The following WLS variants were observed in gnomAD, a reference collection of about 807,000 sequenced individuals.
WLS encodes Wnt ligand secretion mediator.
Under a neutral mutation model 62.8 loss-of-function variants are expected in WLS, and 23 were observed. That is an observed-to-expected ratio of 0.37 (90% CI 0.26 to 0.52). The LOEUF (loss-of-function observed/expected upper bound fraction) is 0.52, where lower values mean the gene tolerates loss of function less well. Ranked by LOEUF, WLS falls within the 20% of genes least tolerant of loss-of-function variation. WLS has a pLI of 0.92. For missense variants in WLS, 615 were observed against 697.3 expected, an observed-to-expected ratio of 0.88 and a Z score of 1.33; for synonymous variants, 246 against 244.1, an observed-to-expected ratio of 1.01 and a Z score of -0.07.
chr1:68,136,212 C>A (rs561669585), intron 11 of WLS, among the ~76,000 whole-genome samples: 4 of 152,134 alleles, frequency 2.6e-5, no homozygotes, highest in Non-Finnish European at 5.9e-5. Flanking sequence ...AGTAACTACC[C>A]CCCTCCCTTC....
chr1:68,192,940 C>CAAA lies in WLS; in HGVS notation c.379+1012_379+1014dup, dbSNP rs112624515. Reference sequence around the variant, plus strand: ...TAAAACCCCATCTCCACTAAAAATACAAAAAAAAAAAAAAAAAATTTTGCT... The same window carrying CAAA: ...TAAAACCCCATCTCCACTAAAAATACAAAAAAAAAAAAAAAAAAAAATTTTGCT... On this transcript the variant is annotated intron_variant, in intron 2 of 11. Coordinates refer to ENST00000262348, the MANE Select transcript of WLS (RefSeq NM_024911.7). Among the ~76,000 whole-genome samples the CAAA allele has an allele frequency of 1.4e-3, 172 of 126,730 alleles. 2 individuals carry two copies. Among genetic ancestry groups the CAAA allele is most frequent in the South Asian group, 3.2e-3 (12 of 3,766 alleles). 83.1% of individuals were successfully genotyped at this position (126,730 alleles called of 152,430 possible).
rs1402456775 is a variant in WLS at position 68,137,909 on chromosome 1, C to G, written c.1387G>C (p.Gly463Arg). The G allele has an allele frequency of 6.2e-7, 1 of 1,613,744 alleles. No individual in the cohort carries two copies. The highest frequency in any genetic ancestry group is 1.3e-5 in the African/African-American group (1 of 74,878). The change falls in exon 11 of 12, where the codon GGC (glycine) becomes CGC (arginine). Residue 463 changes from glycine (G) to arginine (R), a missense_variant. Physicochemically the swap from Gly to Arg is moderately radical, Grantham distance 125. Coordinates refer to ENST00000262348, the MANE Select transcript of WLS (RefSeq NM_024911.7). ...CTGTTCACTTGGACTGTGACGCCGC[C>G]CCATTTCCAATGGCCTTCCGTTACC... The part of the protein sequence containing the change: ...SQVTEGHWKW[G>R]GVTVQVNSAF...
At chr1:68,195,260 C>G (rs1487545846) in intron 1 of WLS, among the ~76,000 whole-genome samples, 1 of 152,194 alleles carries the variant, frequency 6.6e-6, no homozygotes, top group Non-Finnish European at 1.5e-5. Context: ...GTGTCAAATC[C>G]TGGCTCTCTC....
Position 68,153,657 on chromosome 1 carries a change from G to A in WLS, c.667-4C>T. ...AGCCTCCATTTTGGTGGATCCCCTA[G>A]GCAGAGACCAGTGATAATTTTGAAG... is the stretch of plus-strand genomic sequence containing the variant. On this transcript the variant is annotated splice_region_variant and splice_polypyrimidine_tract_variant and intron_variant, in intron 4 of 11. Transcript: ENST00000262348. 1 of 1,614,022 alleles carries A rather than the reference G, an allele frequency of 6.2e-7. No homozygotes were observed. Among genetic ancestry groups the A allele is most frequent in the Non-Finnish European group, 8.5e-7 (1 of 1,179,976 alleles).
At chr1:68,105,223 A>T (rs1646127856) in intron 11 of WLS, among the ~76,000 whole-genome samples, 2 of 152,236 alleles carry the variant, frequency 1.3e-5, no homozygotes, top group African/African-American at 4.8e-5. Flanking sequence ...TAGTTTACCT[A>T]AGAGTATACT....
At chr1:68,129,207 C>T (rs559260641) in intron 11 of WLS, among the ~76,000 whole-genome samples, 103 of 152,200 alleles carry the variant, frequency 6.8e-4, no homozygotes, top group Admixed American at 3.4e-3. Context: ...GCCTGTAAGT[C>T]CCAGCTACTC....
At chr1:68,193,775 C>T (rs1296872360) in intron 2 of WLS, 180 bp downstream of exon 2, 1 of 751,596 alleles carries the variant, frequency 1.3e-6, no homozygotes, top group East Asian at 2.8e-5. Context: ...CCTCAAGGAA[C>T]CTGGTGGGAA....
At chr1:68,160,961 G>A (rs11209224) in intron 2 of WLS, among the ~76,000 whole-genome samples, 5,957 of 152,222 alleles carry the variant, frequency 0.039, 141 homozygotes, top group Middle Eastern at 0.095. Flanking sequence ...AAGTGGGTTT[G>A]TTCATAGACA....
intron 1 of WLS, among the ~76,000 whole-genome samples, chr1:68,204,497 C>T (rs983670764): frequency 2.0e-5 from 3 of 151,960 alleles, no homozygotes; most frequent in African/African-American, 7.3e-5. Flanking sequence ...TTAGTAGAGA[C>T]GGGGCTTCAC....
rs774982290 is a variant in WLS, at chr1:68,161,970, T to C, written c.380-2723A>G. ...CACCATTGAGCTCAGGATGAATTGC[T>C]TGCTGGTCTATTACTGACCAAGGCG... On this transcript the variant is annotated intron_variant, in intron 2 of 11. Coordinates refer to ENST00000262348, the MANE Select transcript of WLS (RefSeq NM_024911.7). 21 of 1,608,574 alleles carry C rather than the reference T, an allele frequency of 1.3e-5. No homozygotes were observed. The South Asian group carries it at 1.9e-4, about 14-fold the overall frequency.
intron 11 of WLS, among the ~76,000 whole-genome samples, chr1:68,115,200 T>G (rs1360721197): frequency 6.6e-6 from 1 of 152,232 alleles, no homozygotes; most frequent in Non-Finnish European, 1.5e-5. Context: ...TGCTCCAGGC[T>G]GGCAAATCCA....
At position 68,148,575 on chromosome 1, in the gene WLS, T is replaced by C. The variant is rs1464290583; in HGVS notation, c.1058A>G (p.Asp353Gly). Residue 353 changes from aspartate (D) to glycine (G), a missense_variant, in exon 7 of 12, where the codon GAC (aspartate) becomes GGC (glycine). Transcript: ENST00000262348. ...AACACTTGCTCACCTCTCACACATG[T>C]CAAATATGAAGAGGCAGAAGGAGCC... ...AVGSFCLFIF[D>G]MCERGVQLTN... 1.9e-6 allele frequency: 3 copies of C among 1,613,916 alleles called. No homozygotes were observed. Among genetic ancestry groups the C allele is most frequent in the Non-Finnish European group, 2.5e-6 (3 of 1,179,966 alleles).
At chr1:68,216,799 T>C (rs1204060029) in intron 1 of WLS, among the ~76,000 whole-genome samples, 1 of 152,190 alleles carries the variant, frequency 6.6e-6, no homozygotes, top group Non-Finnish European at 1.5e-5. Flanking sequence ...CAATGACAGA[T>C]TCTAAAGATA....
chr1:68,107,717 C>T (rs1646166884), intron 11 of WLS, among the ~76,000 whole-genome samples: 1 of 152,148 alleles, frequency 6.6e-6, no homozygotes, highest in African/African-American at 2.4e-5. Flanking sequence ...TGCATTTGAT[C>T]CTCATGGCAA....
intron 1 of WLS, chr1:68,202,182 C>T (rs1189480701): frequency 1.3e-5 from 2 of 152,162 alleles, no homozygotes; most frequent in African/African-American, 2.4e-5. Context: ...TTTGGGACAG[C>T]GAGCCAAACT....
intron 1 of WLS, among the ~76,000 whole-genome samples, chr1:68,216,356 T>C (rs916902843): frequency 5.3e-5 from 8 of 152,222 alleles, no homozygotes; most frequent in African/African-American, 1.9e-4. Context: ...TAGAGTGTTG[T>C]TGGGAAGATC....
At chr1:68,144,058 A>C (rs1646721478) in intron 10 of WLS, among the ~76,000 whole-genome samples, 1 of 152,244 alleles carries the variant, frequency 6.6e-6, no homozygotes, top group Non-Finnish European at 1.5e-5. Context: ...ACAAGTTATG[A>C]ATATTTTAAA....
At chr1:68,214,226 G>C (rs967348224) in intron 1 of WLS, among the ~76,000 whole-genome samples, 1 of 146,974 alleles carries the variant, frequency 6.8e-6, no homozygotes, top group Non-Finnish European at 1.5e-5. Flanking sequence ...TTCCAATACT[G>C]CTCTAGTTAG....
At chr1:68,183,639 G>A (rs771728832) in intron 2 of WLS, 19 of 429,122 alleles carry the variant, frequency 4.4e-5, no homozygotes, top group Non-Finnish European at 7.5e-5. Flanking sequence ...GTAGAAGGAT[G>A]AAATTCAGAG....
Sources: allele counts gnomAD v4.1 joint callset (sites outside exome capture counted in the v4.1 genomes callset), GRCh38; gene constraint gnomAD v4.1.1; transcripts MANE v1.5; gene names NCBI Gene and HGNC (gene_info 2026-07-23, HGNC 2026-07-21).